XYLT1: variants seen among roughly 807,000 people sequenced by gnomAD.
XYLT1 encodes the protein xylosyltransferase 1, also known as beta-D-xylosyltransferase 1.
Under a neutral mutation model 91.3 loss-of-function variants are expected in XYLT1, and 36 were observed. The ratio of observed to expected loss-of-function variants is 0.39; its 90% confidence interval spans 0.30 to 0.52. The LOEUF (loss-of-function observed/expected upper bound fraction) is 0.52. Ranked by LOEUF, XYLT1 falls within the 20% of genes least tolerant of loss-of-function variation. XYLT1 has a pLI of 0.68. For missense variants in XYLT1, 1,242 were observed against 1,284.5 expected (o/e 0.97, Z 0.51); for synonymous variants, 588 against 532.0 (o/e 1.11, Z -1.45).
At chr16:17,197,024 TATATATAG>T (rs201077259) in intron 5 of XYLT1, among the ~76,000 whole-genome samples, 10,394 of 126,706 alleles carry the variant, frequency 0.082, 956 homozygotes, top group South Asian at 0.18. Flanking sequence ...AATATATATA[TATATATAG>T]ATATATATAC....
intron 1 of XYLT1, among the ~76,000 whole-genome samples, chr16:17,389,081 G>A (rs1596519525): frequency 1.3e-5 from 2 of 152,200 alleles, no homozygotes; most frequent in Non-Finnish European, 2.9e-5. Context: ...TCTTTGCAGC[G>A]AGGCATTTTC....
rs1157048737 is a variant in XYLT1, at chr16:17,358,035, G to C, written c.379C>G (p.Pro127Ala). 1 of 1,613,686 alleles carries C rather than the reference G, an allele frequency of 6.2e-7. No homozygotes were observed. The highest frequency in any genetic ancestry group is 1.1e-5 in the South Asian group (1 of 91,016). ...PARALDPHPS[P>A]LITLETQDGY... ...ACCTGAGTCTCCAGGGTGATGAGCGGACTTGGGTGTGGATCCTGTAGGATG... is the reference window on the plus strand; with the variant it reads ...ACCTGAGTCTCCAGGGTGATGAGCGCACTTGGGTGTGGATCCTGTAGGATG... The change falls in exon 2 of 12, where the codon CCG (proline) becomes GCG (alanine). Residue 127 changes from proline (P) to alanine (A), a missense_variant. Coordinates refer to ENST00000261381, the MANE Select transcript of XYLT1 (RefSeq NM_022166.4).
intron 1 of XYLT1, among the ~76,000 whole-genome samples, chr16:17,429,697 G>C (rs1255557092): frequency 2.0e-5 from 3 of 152,164 alleles, no homozygotes; most frequent in African/African-American, 7.2e-5. Context: ...AGTAGATGGA[G>C]GGCCCACAAA....
chr16:17,269,590 T>G (rs1013200560), intron 2 of XYLT1, among the ~76,000 whole-genome samples: 6 of 152,214 alleles, frequency 3.9e-5, no homozygotes, highest in Non-Finnish European at 8.8e-5. Context: ...ATTTACTGTT[T>G]GTTCCAGCTA....
intron 1 of XYLT1, among the ~76,000 whole-genome samples, chr16:17,365,797 T>C (rs1319494270): frequency 1.3e-5 from 2 of 152,110 alleles, no homozygotes; most frequent in East Asian, 1.9e-4. Flanking sequence ...TCATGGAAAC[T>C]TGGGAATTAT....
At chr16:17,323,648 T>C (rs1293450047) in intron 2 of XYLT1, among the ~76,000 whole-genome samples, 1 of 152,104 alleles carries the variant, frequency 6.6e-6, no homozygotes, top group Non-Finnish European at 1.5e-5. Flanking sequence ...CAGGGGACAT[T>C]AGGTTGATGG....
intron 1 of XYLT1, 84 bp downstream of exon 1, chr16:17,470,350 C>G (rs944050380): frequency 8.3e-7 from 1 of 1,198,868 alleles, no homozygotes; most frequent in Admixed American, 4.4e-5. Flanking sequence ...GTCTGATGAC[C>G]GAGTTCAAGG....
intron 3 of XYLT1, among the ~76,000 whole-genome samples, chr16:17,225,467 C>A (rs1159006902): frequency 6.6e-6 from 1 of 152,084 alleles, no homozygotes; most frequent in Non-Finnish European, 1.5e-5. Flanking sequence ...CCAAGCAGAC[C>A]CTGCTGGTCT....
chr16:17,239,252 T>C (rs2033298966), intron 3 of XYLT1, among the ~76,000 whole-genome samples: 1 of 151,072 alleles, frequency 6.6e-6, no homozygotes, highest in Non-Finnish European at 1.5e-5. Flanking sequence ...CATTCATCCA[T>C]CCACTCACCC....
At chr16:17,118,121 C>A in intron 10 of XYLT1, 142 bp from the exon 11 acceptor site, 2 of 806,228 alleles carry the variant, frequency 2.5e-6, no homozygotes, top group African/African-American at 3.5e-5. Flanking sequence ...GTCACCTGCT[C>A]AAGGTTGCAC....
intron 1 of XYLT1, among the ~76,000 whole-genome samples, chr16:17,451,414 C>A (rs1034233982): frequency 2.0e-5 from 3 of 152,124 alleles, no homozygotes; most frequent in African/African-American, 7.2e-5. Flanking sequence ...CCCAGATGAC[C>A]CTCCCCTTCT....
chr16:17,460,303 T>C (rs1195539139), intron 1 of XYLT1, among the ~76,000 whole-genome samples: 3 of 152,214 alleles, frequency 2.0e-5, no homozygotes, highest in African/African-American at 7.2e-5. Context: ...TCACACTCCC[T>C]GCAGAGGGGA....
intron 3 of XYLT1, among the ~76,000 whole-genome samples, chr16:17,200,865 G>A (rs894975545): frequency 1.3e-5 from 2 of 152,202 alleles, no homozygotes; most frequent in African/African-American, 2.4e-5. Context: ...GGGTTGTTAC[G>A]ACATAGTTTC....
intron 2 of XYLT1, among the ~76,000 whole-genome samples, chr16:17,292,239 TGA>T (rs1289862848): frequency 1.3e-5 from 2 of 152,184 alleles, no homozygotes; most frequent in African/African-American, 4.8e-5. Context: ...ATAGGTTTTA[TGA>T]GAGATATGAC....
chr16:17,242,681 G>A (rs567319255), intron 3 of XYLT1, among the ~76,000 whole-genome samples: 1 of 152,360 alleles, frequency 6.6e-6, no homozygotes, highest in East Asian at 1.9e-4. Context: ...ATAGTGTTAA[G>A]TATATTCATA....
intron 2 of XYLT1, among the ~76,000 whole-genome samples, chr16:17,274,596 G>A (rs933643021): frequency 1.3e-5 from 2 of 151,666 alleles, no homozygotes; most frequent in African/African-American, 4.8e-5. Flanking sequence ...GGATGGGTGT[G>A]CTCAGGATTT....
chr16:17,294,143 G>A (rs1310308653), intron 2 of XYLT1, among the ~76,000 whole-genome samples: 1 of 152,154 alleles, frequency 6.6e-6, no homozygotes, highest in East Asian at 1.9e-4. Flanking sequence ...CCTCTGAAGG[G>A]GTCCCCTGCT....
At chr16:17,252,757 G>T (rs1403496339) in intron 3 of XYLT1, among the ~76,000 whole-genome samples, 1 of 152,126 alleles carries the variant, frequency 6.6e-6, no homozygotes, top group Non-Finnish European at 1.5e-5. Flanking sequence ...CAGGAGGAGT[G>T]GGGGCGCTGT....
intron 5 of XYLT1, among the ~76,000 whole-genome samples, chr16:17,187,566 CAAAAAA>C (rs57130941): frequency 1.7e-5 from 1 of 57,238 alleles, no homozygotes; most frequent in African/African-American, 7.6e-5. Flanking sequence ...AACGCTGTCT[CAAAAAA>C]AAAAAAAAAA....
Sources: allele counts gnomAD v4.1 joint callset (sites outside exome capture counted in the v4.1 genomes callset), GRCh38; gene constraint gnomAD v4.1.1; transcripts MANE v1.5; gene names NCBI Gene and HGNC (gene_info 2026-07-23, HGNC 2026-07-21).